Variants in NEGR1 observed in about 807,000 individuals in gnomAD.
NEGR1 encodes the protein IgLON family member 4.
Under a neutral mutation model 40.9 loss-of-function variants are expected in NEGR1, and 10 were observed. That is an observed-to-expected ratio of 0.24 (90% CI 0.15 to 0.42). The LOEUF (loss-of-function observed/expected upper bound fraction) is 0.42, where lower values mean the gene tolerates loss of function less well. NEGR1 is among the 10% of genes least tolerant of loss of function. NEGR1 has a pLI of 1.00. For synonymous variants in NEGR1, 185 were observed against 166.8 expected (o/e 1.11, Z -0.84); for missense variants, 352 against 438.9 (o/e 0.80, Z 1.77).
chr1:71,763,339 G>T (rs980194411), intron 3 of NEGR1, among the ~76,000 whole-genome samples: 30 of 151,992 alleles, frequency 2.0e-4, no homozygotes, highest in Non-Finnish European at 1.5e-5. Flanking sequence ...TTTGTCTTTG[G>T]TCTCAAGGGA....
chr1:72,103,008 G>A (rs1182820778), intron 1 of NEGR1, among the ~76,000 whole-genome samples: 5 of 152,042 alleles, frequency 3.3e-5, no homozygotes, highest in Non-Finnish European at 5.9e-5. Flanking sequence ...ACCCTTATGC[G>A]AATTACCATG....
chr1:71,925,084 T>A (rs1265830502), intron 2 of NEGR1, among the ~76,000 whole-genome samples: 1 of 152,076 alleles, frequency 6.6e-6, no homozygotes, highest in Non-Finnish European at 1.5e-5. Flanking sequence ...AGTCAAAAAA[T>A]AAAATAAAAT....
At chr1:71,474,839 G>T (rs1017536847) in intron 6 of NEGR1, among the ~76,000 whole-genome samples, 2 of 150,420 alleles carry the variant, frequency 1.3e-5, no homozygotes, top group Admixed American at 1.3e-4. Context: ...AGAAATATTT[G>T]TAGTTAACAT....
chr1:71,945,925 T>A (rs1162154378), intron 1 of NEGR1, among the ~76,000 whole-genome samples: 1 of 152,230 alleles, frequency 6.6e-6, no homozygotes, highest in Admixed American at 6.5e-5. Context: ...TTACAATGTT[T>A]TATAGGTTAA....
intron 3 of NEGR1, among the ~76,000 whole-genome samples, chr1:71,736,259 T>C (rs1655037750): frequency 6.6e-6 from 1 of 152,166 alleles, no homozygotes; most frequent in Non-Finnish European, 1.5e-5. Flanking sequence ...ATGTATTTGT[T>C]GAAAATGTTT....
chr1:72,152,347 G>A (rs532516324), intron 1 of NEGR1, among the ~76,000 whole-genome samples: 5 of 151,996 alleles, frequency 3.3e-5, no homozygotes, highest in African/African-American at 9.6e-5. Flanking sequence ...AATGAACTTA[G>A]TGAAAGTGAT....
chr1:71,588,422 C>T (rs892191377), intron 6 of NEGR1, among the ~76,000 whole-genome samples: 1 of 152,050 alleles, frequency 6.6e-6, no homozygotes, highest in African/African-American at 2.4e-5. Flanking sequence ...CTTTCCTTCT[C>T]TTCCCTTCCA....
At chr1:72,056,135 A>G (rs558413184) in intron 1 of NEGR1, among the ~76,000 whole-genome samples, 3 of 151,368 alleles carry the variant, frequency 2.0e-5, no homozygotes, top group Admixed American at 6.6e-5. Flanking sequence ...CAGTTCCAGA[A>G]AGTGTAATTA....
intron 1 of NEGR1, among the ~76,000 whole-genome samples, chr1:72,238,866 C>T (rs1470870992): frequency 6.6e-6 from 1 of 151,816 alleles, no homozygotes; most frequent in Non-Finnish European, 1.5e-5. Context: ...TGGACAATAT[C>T]AAAGCTGTGG....
intron 6 of NEGR1, among the ~76,000 whole-genome samples, chr1:71,450,962 T>G (rs1034076583): frequency 6.6e-6 from 1 of 152,226 alleles, no homozygotes; most frequent in Non-Finnish European, 1.5e-5. Flanking sequence ...TAGTGTAGCC[T>G]CCTCATTGTC....
At chr1:72,061,553 C>A (rs560019522) in intron 1 of NEGR1, among the ~76,000 whole-genome samples, 1 of 151,834 alleles carries the variant, frequency 6.6e-6, no homozygotes, top group East Asian at 1.9e-4. Context: ...TAATATCTAA[C>A]ACATGCAGAT....
chr1:72,186,978 C>G (rs181365173), intron 1 of NEGR1, among the ~76,000 whole-genome samples: 1 of 151,554 alleles, frequency 6.6e-6, no homozygotes, highest in African/African-American at 2.4e-5. Flanking sequence ...TAATTTTTCT[C>G]TTCAAAAGGG....
chr1:71,440,879 T>TC (rs1365876598), intron 6 of NEGR1, among the ~76,000 whole-genome samples: 1 of 152,222 alleles, frequency 6.6e-6, no homozygotes, highest in African/African-American at 2.4e-5. Context: ...TCTTAACTAA[T>TC]GCAGGTGAGT....
intron 6 of NEGR1, among the ~76,000 whole-genome samples, chr1:71,480,731 A>T (rs1646849041): frequency 6.6e-6 from 1 of 151,952 alleles, no homozygotes; most frequent in Non-Finnish European, 1.5e-5. Context: ...TTGAGAAACA[A>T]GAGATATTTA....
At chr1:72,020,756 A>G (rs1368052934) in intron 1 of NEGR1, among the ~76,000 whole-genome samples, 2 of 152,196 alleles carry the variant, frequency 1.3e-5, no homozygotes, top group African/African-American at 2.4e-5. Context: ...AATTCTGCAG[A>G]AAAGATATAA....
At chr1:71,597,470 CTCTGTGTG>C (rs1649758498) in intron 5 of NEGR1, among the ~76,000 whole-genome samples, 1 of 24,794 alleles carries the variant, frequency 4.0e-5, no homozygotes, top group African/African-American at 7.4e-5. Context: ...CTCTCTCTCT[CTCTGTGTG>C]TGTGTGTGTG....
At chr1:71,449,973 T>C (rs1202674685) in intron 6 of NEGR1, among the ~76,000 whole-genome samples, 1 of 150,638 alleles carries the variant, frequency 6.6e-6, no homozygotes, top group Non-Finnish European at 1.5e-5. Context: ...TTTTAAGACA[T>C]TTTTGGAATT....
chr1:72,027,588 C>T (rs1208103077), intron 1 of NEGR1, among the ~76,000 whole-genome samples: 2 of 151,984 alleles, frequency 1.3e-5, no homozygotes, highest in Non-Finnish European at 2.9e-5. Context: ...TCTGCCAGAA[C>T]GACATAATTT....
chr1:72,030,031 G>GAA (rs5775101), intron 1 of NEGR1, among the ~76,000 whole-genome samples: 131 of 150,438 alleles, frequency 8.7e-4, no homozygotes, highest in African/African-American at 2.0e-3. Flanking sequence ...AGTGAAATAT[G>GAA]AAAAAAAAAA....
Sources: allele counts gnomAD v4.1 joint callset (sites outside exome capture counted in the v4.1 genomes callset), GRCh38; gene constraint gnomAD v4.1.1; transcripts MANE v1.5; gene names NCBI Gene and HGNC (gene_info 2026-07-23, HGNC 2026-07-21).